Variants in PTPRT observed in about 807,000 individuals in gnomAD.
The protein encoded by PTPRT is receptor-type tyrosine-protein phosphatase T.
A neutral mutation model predicts 176.8 loss-of-function variants in PTPRT; 56 were observed. That is an observed-to-expected ratio of 0.32 (90% confidence interval 0.26 to 0.40). The LOEUF is 0.40. PTPRT is among the 10% of genes least tolerant of loss of function. PTPRT has a pLI of 1.00. For missense variants in PTPRT, 1,540 were observed against 1,908.2 expected (o/e 0.81, Z 3.60); for synonymous variants, 783 against 739.0 (o/e 1.06, Z -0.96).
At chr20:42,941,301 A>G (rs1469596935) in intron 1 of PTPRT, among the ~76,000 whole-genome samples, 2 of 152,322 alleles carry the variant, frequency 1.3e-5, no homozygotes, top group South Asian at 4.1e-4. Flanking sequence ...AAAGGATTCA[A>G]AAATCATTAA....
intron 12 of PTPRT, among the ~76,000 whole-genome samples, chr20:42,312,080 T>A (rs2057641847): frequency 1.3e-5 from 2 of 152,222 alleles, no homozygotes; most frequent in African/African-American, 4.8e-5. Context: ...ACATTAACCT[T>A]CCATTTTGTA....
At chr20:42,706,560 T>A (rs1010911513) in intron 6 of PTPRT, among the ~76,000 whole-genome samples, 1 of 152,164 alleles carries the variant, frequency 6.6e-6, no homozygotes. Flanking sequence ...TATGGGCACA[T>A]AGGCATCTCA....
chr20:43,023,163 G>A (rs1600654994), intron 1 of PTPRT, among the ~76,000 whole-genome samples: 3 of 152,208 alleles, frequency 2.0e-5, no homozygotes, highest in South Asian at 2.1e-4. Flanking sequence ...GTGTAACATC[G>A]AGTCTGCAGG....
intron 1 of PTPRT, among the ~76,000 whole-genome samples, chr20:42,887,405 G>C (rs116356133): frequency 6.6e-6 from 1 of 152,142 alleles, no homozygotes; most frequent in Non-Finnish European, 1.5e-5. Flanking sequence ...CCAATGTCTC[G>C]ATCTTATACT....
At chr20:42,721,174 G>A (rs1301943004) in intron 6 of PTPRT, among the ~76,000 whole-genome samples, 1 of 152,236 alleles carries the variant, frequency 6.6e-6, no homozygotes, top group Admixed American at 6.5e-5. Context: ...ACTTGGGCCT[G>A]AAAGAAGGCA....
intron 1 of PTPRT, among the ~76,000 whole-genome samples, chr20:43,168,045 T>A (rs1421450128): frequency 6.6e-6 from 1 of 152,250 alleles, no homozygotes; most frequent in Non-Finnish European, 1.5e-5. Context: ...AACAGTTAAC[T>A]AGTACAGGGT....
In PTPRT at chr20:42,676,538, G is replaced by GCT. The variant is rs55873681; in HGVS notation, c.1153+1326_1153+1327dup. ...GAACATCCCCAGCTGTATATACAAT[G>GCT]CTCTCTCTCTCTCTCTCTCTCTCTC... On this transcript the variant is annotated intron_variant, in intron 7 of 30. Coordinates refer to ENST00000373187, the MANE Select transcript of PTPRT (RefSeq NM_007050.6). Among the ~76,000 whole-genome samples, 858 of 148,652 alleles carry GCT rather than the reference G, an allele frequency of 5.8e-3. 4 individuals are homozygous for GCT. The highest frequency in any genetic ancestry group is 1.0e-2 in the East Asian group (50 of 5,006).
intron 11 of PTPRT, among the ~76,000 whole-genome samples, chr20:42,322,269 C>T (rs2057810646): frequency 6.6e-6 from 1 of 150,572 alleles, no homozygotes; most frequent in African/African-American, 2.5e-5. Context: ...CTTTAAAGTT[C>T]ATATGGAACC....
chr20:42,446,165 A>C (rs540600362), intron 9 of PTPRT, among the ~76,000 whole-genome samples: 1 of 152,306 alleles, frequency 6.6e-6, no homozygotes, highest in South Asian at 2.1e-4. Flanking sequence ...ATAGCCCTAC[A>C]GTAGTAGTTT....
At chr20:42,226,759 C>T (rs143049441) in intron 15 of PTPRT, among the ~76,000 whole-genome samples, 2 of 151,982 alleles carry the variant, frequency 1.3e-5, no homozygotes, top group South Asian at 2.1e-4. Flanking sequence ...CACTTCTGAC[C>T]CTGGTTCTCT....
intron 26 of PTPRT, 135 bp downstream of exon 26, chr20:42,101,989 C>A: frequency 1.9e-6 from 2 of 1,051,750 alleles, no homozygotes; most frequent in Non-Finnish European, 2.7e-6. Context: ...GAACAAAGGT[C>A]CTTGGGACTA....
intron 7 of PTPRT, among the ~76,000 whole-genome samples, chr20:42,480,912 C>T (rs2071372916): frequency 1.3e-5 from 2 of 152,134 alleles, no homozygotes; most frequent in African/African-American, 4.8e-5. Flanking sequence ...GGGCACAAAA[C>T]AGCTCAAACA....
In PTPRT at chr20:42,115,121, A is replaced by G. The variant is rs111226084; in HGVS notation, c.3099+78T>C. On this transcript the variant is annotated intron_variant, in intron 22 of 30. Transcript: ENST00000373187. ...GGGGCTGGACGTAGAGCAGACCCTCAGTTACCACATGTTCTGGATGAACAA... is the reference window on the plus strand; with the variant it reads ...GGGGCTGGACGTAGAGCAGACCCTCGGTTACCACATGTTCTGGATGAACAA... The G allele has an allele frequency of 1.2e-3, 1,237 of 1,054,358 alleles. 10 individuals carry two copies. In the African/African-American group the frequency reaches 0.016, roughly 14 times the overall value. 65.3% of individuals were successfully genotyped at this position (1,054,358 alleles called of 1,614,324 possible). A position where few individuals can be genotyped will look rare whatever the true frequency, so the allele number is the denominator to read the frequency against.
chr20:42,500,595 T>C (rs1189030645), intron 7 of PTPRT, among the ~76,000 whole-genome samples: 1 of 152,170 alleles, frequency 6.6e-6, no homozygotes, highest in African/African-American at 2.4e-5. Context: ...AAAAATTCTC[T>C]GCCCTTACTG....
intron 9 of PTPRT, among the ~76,000 whole-genome samples, chr20:42,419,816 G>A (rs558381649): frequency 1.6e-4 from 24 of 152,268 alleles, no homozygotes; most frequent in Non-Finnish European, 2.5e-4. Flanking sequence ...GGTCATTAGG[G>A]TGGGCCCTAG....
At chr20:42,813,358 C>G (rs1008258484) in intron 2 of PTPRT, among the ~76,000 whole-genome samples, 12 of 152,032 alleles carry the variant, frequency 7.9e-5, no homozygotes, top group Non-Finnish European at 1.8e-4. Context: ...TTACAGCCCC[C>G]TGCTTGCTTG....
intron 1 of PTPRT, among the ~76,000 whole-genome samples, chr20:43,188,871 C>T (rs1369391138): frequency 6.6e-6 from 1 of 151,932 alleles, no homozygotes; most frequent in Admixed American, 6.6e-5. Context: ...CAGGCACCAC[C>T]CCCCCGCCCC....
intron 27 of PTPRT, among the ~76,000 whole-genome samples, chr20:42,093,808 G>C (rs140866957): frequency 6.6e-6 from 1 of 152,358 alleles, no homozygotes; most frequent in African/African-American, 2.4e-5. Context: ...CGCCCCTCCA[G>C]GTGCTGAGGG....
intron 7 of PTPRT, among the ~76,000 whole-genome samples, chr20:42,489,003 C>G (rs2145364899): frequency 8.7e-6 from 1 of 114,634 alleles, no homozygotes; most frequent in South Asian, 3.5e-4. Context: ...TAAAATCAAC[C>G]AAGTTTGTGT....
Sources: allele counts gnomAD v4.1 joint callset (sites outside exome capture counted in the v4.1 genomes callset), GRCh38; gene constraint gnomAD v4.1.1; transcripts MANE v1.5; gene names NCBI Gene and HGNC (gene_info 2026-07-23, HGNC 2026-07-21).